The following ATF7IP variants were observed in gnomAD, a reference collection of about 807,000 sequenced individuals.
ATF7IP encodes the protein activating transcription factor 7-interacting protein 1.
ATF7IP carries 23 observed loss-of-function variants against 106.4 expected under a neutral mutation model. The observed-to-expected ratio is 0.22, with a 90% CI of 0.16 to 0.31. The LOEUF (loss-of-function observed/expected upper bound fraction) is 0.31, where lower values mean the gene tolerates loss of function less well. Among genes scored for constraint, ATF7IP ranks in the 10% least tolerant of loss-of-function variants. The pLI, the probability that ATF7IP is intolerant of heterozygous loss-of-function variation, is 1.00. For missense variants in ATF7IP, 1,334 were observed against 1,524.3 expected (o/e 0.88, Z 2.08); for synonymous variants, 542 against 539.0 (o/e 1.01, Z -0.08).
chr12:14,394,835 G>A (rs768565931), intron 1 of ATF7IP: 25 of 152,152 alleles, frequency 1.6e-4, no homozygotes, highest in Non-Finnish European at 3.2e-4. Flanking sequence ...TAATATGTGG[G>A]AGGTACTTAA....
intron 1 of ATF7IP, among the ~76,000 whole-genome samples, chr12:14,375,983 A>G (rs1171966699): frequency 6.6e-6 from 1 of 152,242 alleles, no homozygotes; most frequent in African/African-American, 2.4e-5. Context: ...ATAAGCATTT[A>G]AGAAAGTAGT....
intron 5 of ATF7IP, among the ~76,000 whole-genome samples, chr12:14,445,889 G>A (rs1039782301): frequency 3.3e-5 from 5 of 152,078 alleles, no homozygotes; most frequent in African/African-American, 1.2e-4. Context: ...ATTTAAAATG[G>A]CTTCAGCAGC....
intron 3 of ATF7IP, 102 bp downstream of exon 3, chr12:14,434,525 TAAA>T: frequency 1.2e-6 from 1 of 820,272 alleles, no homozygotes; most frequent in Non-Finnish European, 1.9e-6. Flanking sequence ...GAAATAATTG[TAAA>T]ATTTTGCAAT....
chr12:14,420,345 G>A (rs1294352837), intron 1 of ATF7IP: 1 of 152,390 alleles, frequency 6.6e-6, no homozygotes, highest in East Asian at 1.9e-4. Context: ...TGATAAAGAA[G>A]TTGGCCTGGT....
intron 10 of ATF7IP, among the ~76,000 whole-genome samples, chr12:14,472,219 G>C (rs1245849850): frequency 6.6e-6 from 1 of 152,026 alleles, no homozygotes; most frequent in Non-Finnish European, 1.5e-5. Context: ...TGCTAAGTAA[G>C]CATCCTTATC....
intron 1 of ATF7IP, among the ~76,000 whole-genome samples, chr12:14,401,155 C>G (rs1379725125): frequency 1.3e-5 from 2 of 152,058 alleles, no homozygotes; most frequent in African/African-American, 2.4e-5. Context: ...AGATTTTCCA[C>G]TATTTATTTC....
chr12:14,414,281 C>A (rs942894086), intron 1 of ATF7IP, among the ~76,000 whole-genome samples: 1 of 152,122 alleles, frequency 6.6e-6, no homozygotes, highest in South Asian at 2.1e-4. Flanking sequence ...TTTTTACTTC[C>A]CATGCCCTTA....
At chr12:14,488,254 A>ATG (rs1424976387) in intron 13 of ATF7IP, among the ~76,000 whole-genome samples, 1 of 152,072 alleles carries the variant, frequency 6.6e-6, no homozygotes, top group African/African-American at 2.4e-5. Context: ...TTTTATATAT[A>ATG]TCTATAGTAT....
At chr12:14,411,546 A>T (rs192491234) in intron 1 of ATF7IP, among the ~76,000 whole-genome samples, 63 of 152,040 alleles carry the variant, frequency 4.1e-4, no homozygotes, top group Admixed American at 2.4e-3. Context: ...TAATAATTTT[A>T]AAAAAAACAG....
intron 13 of ATF7IP, among the ~76,000 whole-genome samples, chr12:14,495,231 C>T (rs1944977311): frequency 6.6e-6 from 1 of 152,202 alleles, no homozygotes; most frequent in Non-Finnish European, 1.5e-5. Context: ...TGGCAACATC[C>T]TCACAGGCCC....
chr12:14,473,673 CT>C (rs1170714142), intron 10 of ATF7IP, among the ~76,000 whole-genome samples: 2 of 152,112 alleles, frequency 1.3e-5, no homozygotes, highest in Admixed American at 1.3e-4. Flanking sequence ...GAAGAATGTC[CT>C]TAAGCTCATC....
rs565225216 is a variant in ATF7IP at position 14,502,202 on chromosome 12, G to C, written c.*4129G>C. The C allele has an allele frequency of 6.6e-6, 1 of 152,128 alleles. No homozygotes were observed. Among genetic ancestry groups the C allele is most frequent in the Admixed American group, 6.5e-5 (1 of 15,268 alleles). 9.4% of individuals were successfully genotyped at this position (152,128 alleles called of 1,614,324 possible). On this transcript the variant is annotated 3_prime_UTR_variant, in exon 15 of 15. Coordinates refer to ENST00000261168, the MANE Select transcript of ATF7IP (RefSeq NM_018179.5). ...TGCAATATCAAATAACTCTAAAACC[G>C]ATGTGTGATTCTACCTTCCTTACTA...
chr12:14,376,272 A>T (rs1381824166), intron 1 of ATF7IP, among the ~76,000 whole-genome samples: 1 of 152,230 alleles, frequency 6.6e-6, no homozygotes, highest in Admixed American at 6.5e-5. Context: ...TCTGCTGGAC[A>T]TGCTTACTCA....
In ATF7IP at chr12:14,390,236, C is replaced by T. The variant is rs148084815; in HGVS notation, c.-8+24409C>T. Among the ~76,000 whole-genome samples, 187 of 152,218 alleles carry T rather than the reference C, an allele frequency of 1.2e-3. 1 individual carries two copies. Among genetic ancestry groups the T allele is most frequent in the African/African-American group, 4.4e-3 (182 of 41,534 alleles). On this transcript the variant is annotated intron_variant, in intron 1 of 14. Coordinates refer to ENST00000261168, the MANE Select transcript of ATF7IP (RefSeq NM_018179.5). ...GAAAGTAAACATAAGTAAAATTTAG[C>T]CTACTTTACTTGGTAGGAGAGACTT...
At chr12:14,406,373 A>T (rs74507378) in intron 1 of ATF7IP, among the ~76,000 whole-genome samples, 2,959 of 152,308 alleles carry the variant, frequency 0.019, 98 homozygotes, top group African/African-American at 0.068. Flanking sequence ...TGCTGGGATT[A>T]CTGGCGAGAG....
At chr12:14,496,417 C>A in intron 14 of ATF7IP, 74 bp downstream of exon 14, 1 of 988,702 alleles carries the variant, frequency 1.0e-6, no homozygotes, top group Non-Finnish European at 1.5e-6. Context: ...TGGCATTTTT[C>A]TTTAAAATGG....
At chr12:14,429,138 C>T (rs1022370056) in intron 2 of ATF7IP, among the ~76,000 whole-genome samples, 5 of 152,142 alleles carry the variant, frequency 3.3e-5, no homozygotes, top group African/African-American at 1.2e-4. Flanking sequence ...AGGCCTTCCA[C>T]TTAATTGGAT....
At position 14,463,346 on chromosome 12, in the gene ATF7IP, T is replaced by C. The variant is rs532322567; in HGVS notation, c.2797+2213T>C. Among the ~76,000 whole-genome samples the C allele has an allele frequency of 9.2e-5, 14 of 152,292 alleles. No homozygotes were observed. In the East Asian group the frequency reaches 2.3e-3, roughly 25 times the overall value. On this transcript the variant is annotated intron_variant, in intron 9 of 14. Coordinates refer to ENST00000261168, the MANE Select transcript of ATF7IP (RefSeq NM_018179.5). ...TCTGTTTATAGTGAGGTAAATGTCC[T>C]AAGGGCTTGGAAATTTAAAGCTCAA...
intron 1 of ATF7IP, among the ~76,000 whole-genome samples, chr12:14,380,132 T>C (rs1246118679): frequency 2.0e-5 from 3 of 152,236 alleles, no homozygotes; most frequent in Non-Finnish European, 4.4e-5. Context: ...TTCATTTTTT[T>C]CTATCATGTT....
Sources: gnomAD v4.1 joint callset for allele counts (sites outside exome capture counted in the v4.1 genomes callset) on GRCh38, gnomAD v4.1.1 for gene constraint, MANE v1.5 for transcripts, NCBI Gene and HGNC (gene_info 2026-07-23, HGNC 2026-07-21) for gene names.